The following SPATA13 variants were observed in gnomAD, a reference collection of about 807,000 sequenced individuals.
The protein encoded by SPATA13 is spermatogenesis associated 13, also known as spermatogenesis-associated protein 13.
Under a neutral mutation model 104.0 loss-of-function variants are expected in SPATA13, and 50 were observed. That is an observed-to-expected ratio of 0.48 (90% CI 0.38 to 0.61). SPATA13 has a LOEUF of 0.61. SPATA13 is among the 20% of genes least tolerant of loss of function. The probability of loss-of-function intolerance (pLI) is 0.00; values close to 1 mark genes in which losing one functional copy is unlikely to be tolerated. For missense variants in SPATA13, 1,524 were observed against 1,690.6 expected (o/e 0.90, Z 1.73); for synonymous variants, 606 against 667.5 (o/e 0.91, Z 1.42).
At chr13:23,997,590 A>G (rs1875756991) in intron 2 of SPATA13, among the ~76,000 whole-genome samples, 1 of 152,152 alleles carries the variant, frequency 6.6e-6, no homozygotes, top group Admixed American at 6.5e-5. Context: ...GTAATTTATA[A>G]AGAGGAGGTT....
chr13:24,276,198 C>A (rs1401424681), intron 4 of SPATA13, among the ~76,000 whole-genome samples: 2 of 152,104 alleles, frequency 1.3e-5, no homozygotes, highest in African/African-American at 4.8e-5. Context: ...AAAAGGAGCC[C>A]AAATGTTCAC....
chr13:24,132,154 G>A (rs1234866979), intron 3 of SPATA13, among the ~76,000 whole-genome samples: 1 of 152,218 alleles, frequency 6.6e-6, no homozygotes, highest in African/African-American at 2.4e-5. Context: ...GCAGAAGTAG[G>A]AACCATCTTA....
At chr13:24,244,807 G>C (rs1201318956) in intron 2 of SPATA13, among the ~76,000 whole-genome samples, 2 of 152,220 alleles carry the variant, frequency 1.3e-5, no homozygotes, top group African/African-American at 2.4e-5. Context: ...AGGCTGCAGT[G>C]AGCTGTGATT....
At chr13:24,252,962 A>G (rs991276312) in intron 4 of SPATA13, 2 of 152,232 alleles carry the variant, frequency 1.3e-5, no homozygotes, top group Admixed American at 6.5e-5. Flanking sequence ...GAGCGCTTTG[A>G]AAATACAAAA....
At chr13:24,291,913 C>T (rs1031442393) in intron 9 of SPATA13, among the ~76,000 whole-genome samples, 6 of 150,288 alleles carry the variant, frequency 4.0e-5, no homozygotes, top group South Asian at 2.1e-4. Context: ...CCCGCCACCG[C>T]GCCCGGCTAA....
chr13:24,050,635 A>G (rs1566086012), intron 3 of SPATA13, among the ~76,000 whole-genome samples: 1 of 152,212 alleles, frequency 6.6e-6, no homozygotes, highest in Non-Finnish European at 1.5e-5. Context: ...CAAGAGGCGA[A>G]GGCATTTTCT....
intron 4 of SPATA13, among the ~76,000 whole-genome samples, chr13:24,263,231 C>T (rs1450310351): frequency 6.6e-6 from 1 of 152,142 alleles, no homozygotes; most frequent in Non-Finnish European, 1.5e-5. Flanking sequence ...CAAATATTTT[C>T]TTTCAATAAA....
intron 1 of SPATA13, among the ~76,000 whole-genome samples, chr13:24,188,185 C>CA (rs1364809996): frequency 6.6e-6 from 1 of 151,856 alleles, no homozygotes; most frequent in Admixed American, 6.6e-5. Context: ...TACTGAAATA[C>CA]AAAAAATTAG....
At chr13:24,036,684 A>G (rs1034542177) in intron 3 of SPATA13, among the ~76,000 whole-genome samples, 8 of 152,118 alleles carry the variant, frequency 5.3e-5, no homozygotes, top group Non-Finnish European at 1.2e-4. Flanking sequence ...GAGATCATAG[A>G]CAAATTGCAT....
At chr13:24,177,030 G>T (rs1868477712) in intron 1 of SPATA13, among the ~76,000 whole-genome samples, 1 of 152,144 alleles carries the variant, frequency 6.6e-6, no homozygotes. Context: ...CTCCCAAAGT[G>T]CTGGGATTAC....
At chr13:24,291,571 C>G (rs1241703873) in intron 9 of SPATA13, among the ~76,000 whole-genome samples, 3 of 152,168 alleles carry the variant, frequency 2.0e-5, no homozygotes, top group Non-Finnish European at 4.4e-5. Context: ...TCTCCCTGTT[C>G]CCTCCTGCTG....
intron 2 of SPATA13, among the ~76,000 whole-genome samples, chr13:24,009,362 G>T (rs1876369592): frequency 6.6e-6 from 1 of 152,226 alleles, no homozygotes; most frequent in African/African-American, 2.4e-5. Flanking sequence ...TAAAATATTT[G>T]AAGGGATTCA....
intron 3 of SPATA13, among the ~76,000 whole-genome samples, chr13:24,038,580 C>G (rs911203658): frequency 1.3e-5 from 2 of 151,996 alleles, no homozygotes; most frequent in Admixed American, 6.6e-5. Context: ...GGTAAAGTGC[C>G]GAGAGTAAGG....
At chr13:23,984,592 A>G (rs1875060290) in intron 2 of SPATA13, among the ~76,000 whole-genome samples, 1 of 152,088 alleles carries the variant, frequency 6.6e-6, no homozygotes, top group Non-Finnish European at 1.5e-5. Flanking sequence ...TTTACTTTTA[A>G]GTGTGAGGCC....
At chr13:24,025,794 T>C (rs1877181636) in intron 3 of SPATA13, among the ~76,000 whole-genome samples, 2 of 115,736 alleles carry the variant, frequency 1.7e-5, no homozygotes, top group African/African-American at 3.3e-5. Context: ...TCTTTTACCT[T>C]TTCTTTCTTT....
intron 1 of SPATA13, among the ~76,000 whole-genome samples, chr13:24,219,231 T>C (rs1393247345): frequency 6.6e-6 from 1 of 152,198 alleles, no homozygotes; most frequent in East Asian, 1.9e-4. Flanking sequence ...ATAATGCAAC[T>C]TGGTATGTTA....
chr13:24,036,722 A>G (rs2137722705), intron 3 of SPATA13, among the ~76,000 whole-genome samples: 1 of 152,234 alleles, frequency 6.6e-6, no homozygotes, highest in African/African-American at 2.4e-5. Context: ...CTCTCACCTT[A>G]CTAAACAACA....
At position 24,161,007 on chromosome 13, in the gene SPATA13, T is replaced by C; in HGVS notation, c.-112+75T>C. The C allele has an allele frequency of 1.1e-6, 1 of 898,780 alleles. No homozygotes were observed. Among genetic ancestry groups the C allele is most frequent in the South Asian group, 5.1e-5 (1 of 19,708 alleles). 55.7% of individuals were successfully genotyped at this position (898,780 alleles called of 1,614,324 possible). A position where few individuals can be genotyped will look rare whatever the true frequency, so the allele number is the denominator to read the frequency against. On this transcript the variant is annotated intron_variant, in intron 1 of 12. Transcript: ENST00000382108. This position sits in a 1 kb window ranked among gnomAD's most constrained non-coding sequence, Gnocchi z 4.5. ...CTGTTAGGTAGAATATCGGGAGGAT[T>C]TGAGTCCCAGTGGACTGCCTCGGGG...
At chr13:24,189,553 G>C (rs1206472401) in intron 1 of SPATA13, among the ~76,000 whole-genome samples, 1 of 127,386 alleles carries the variant, frequency 7.9e-6, no homozygotes, top group Admixed American at 9.1e-5. Flanking sequence ...TAAATATATA[G>C]TATATTTAAT....
Sources: allele counts gnomAD v4.1 joint callset (sites outside exome capture counted in the v4.1 genomes callset), GRCh38; gene constraint gnomAD v4.1.1; non-coding constraint Gnocchi (gnomAD v3.1); transcripts MANE v1.5; gene names NCBI Gene and HGNC (gene_info 2026-07-23, HGNC 2026-07-21).